The following ARID4A variants were observed in gnomAD, a reference collection of about 807,000 sequenced individuals.
ARID4A encodes AT-rich interactive domain-containing protein 4A.
ARID4A carries 39 observed loss-of-function variants against 148.6 expected under a neutral mutation model. That is an observed-to-expected ratio of 0.26 (90% CI 0.20 to 0.34). ARID4A has a LOEUF of 0.34. Among genes scored for constraint, ARID4A ranks in the 10% least tolerant of loss-of-function variants. ARID4A has a pLI of 1.00. For synonymous variants in ARID4A, 475 were observed against 481.2 expected, an observed-to-expected ratio of 0.99 and a Z score of 0.17; for missense variants, 1,265 against 1,449.1, an observed-to-expected ratio of 0.87 and a Z score of 2.06.
intron 5 of ARID4A, among the ~76,000 whole-genome samples, chr14:58,312,962 G>GCTGTGAT (rs1461473089): frequency 6.6e-6 from 1 of 152,144 alleles, no homozygotes; most frequent in Non-Finnish European, 1.5e-5. Context: ...TGATAACAGG[G>GCTGTGAT]AAATGGGTCT....
Position 58,373,606 on chromosome 14 carries a change from TAAA to T in ARID4A, c.*1620_*1622del, listed in dbSNP as rs1034225691. On this transcript the variant is annotated 3_prime_UTR_variant, in exon 24 of 24. Transcript: ENST00000355431. ...TTCAGATTCCATTTTCTCAGAGAATTAAAAACAAAAAAAGTACTCTTGTAAAAT... is the reference window on the plus strand; with the variant it reads ...TTCAGATTCCATTTTCTCAGAGAATTAACAAAAAAAGTACTCTTGTAAAAT... 5.7e-6 allele frequency: 1 copy of T among 176,338 alleles called. No individual in the cohort carries two copies. Among genetic ancestry groups the T allele is most frequent in the Non-Finnish European group, 1.2e-5 (1 of 81,768 alleles). 10.9% of individuals were successfully genotyped at this position (176,338 alleles called of 1,614,324 possible). A position where few individuals can be genotyped will look rare whatever the true frequency, so the allele number is the denominator to read the frequency against.
intron 17 of ARID4A, 40 bp downstream of exon 17, chr14:58,353,895 G>A (rs1189389348): frequency 3.9e-6 from 6 of 1,542,482 alleles, no homozygotes; most frequent in African/African-American, 2.7e-5. Context: ...AAATTTTTTC[G>A]ATGATTAAAT....
At position 58,328,293 on chromosome 14, in the gene ARID4A, T is replaced by A. The variant is rs1354785677; in HGVS notation, c.639T>A (p.Val213=). 6.2e-7 allele frequency: 1 copy of A among 1,602,524 alleles called. No individual in the cohort carries two copies. The highest frequency in any genetic ancestry group is 1.7e-5 in the Admixed American group (1 of 59,856). ...DITVKKDQCL[V]RSFIDSKFYS... Reference sequence around the variant, plus strand: ...CAGTGAAAAAGGATCAGTGTTTAGTTCGATCATTTATTGATTCTAAATTGT... The same window carrying A: ...CAGTGAAAAAGGATCAGTGTTTAGTACGATCATTTATTGATTCTAAATTGT... The change falls in exon 9 of 24, where the codon GTT becomes GTA. Residue 213 remains valine (V), a synonymous_variant. Transcript: ENST00000355431.
chr14:58,312,651 C>T (rs1445733281), intron 5 of ARID4A, among the ~76,000 whole-genome samples: 1 of 152,292 alleles, frequency 6.6e-6, no homozygotes. Context: ...ATGGATATAA[C>T]AATAATGATA....
chr14:58,356,890 C>T (rs1302831499), intron 17 of ARID4A, among the ~76,000 whole-genome samples: 1 of 151,974 alleles, frequency 6.6e-6, no homozygotes, highest in African/African-American at 2.4e-5. Flanking sequence ...TTAGTAGAGA[C>T]AGGGTTTCAC....
At chr14:58,366,760 T>G in intron 22 of ARID4A, 123 bp from the exon 23 acceptor site, 1 of 692,388 alleles carries the variant, frequency 1.4e-6, no homozygotes, top group South Asian at 2.8e-5. Flanking sequence ...TTCAGCTTAC[T>G]GTAGGAGATT....
chr14:58,299,720 T>G (rs1594853440), intron 1 of ARID4A, 78 bp from the exon 2 acceptor site: 4 of 1,271,558 alleles, frequency 3.1e-6, no homozygotes, highest in South Asian at 1.2e-5. Flanking sequence ...CCCGCTGGCG[T>G]TTGTTTACTT....
intron 5 of ARID4A, among the ~76,000 whole-genome samples, chr14:58,308,088 G>A (rs1260105992): frequency 6.6e-6 from 1 of 152,184 alleles, no homozygotes; most frequent in Admixed American, 6.5e-5. Flanking sequence ...TTATCCCAGA[G>A]TAGTTATTCA....
Position 58,365,624 on chromosome 14 carries a change from T to C in ARID4A, c.3316+2T>C. 1 of 1,611,616 alleles carries C rather than the reference T, an allele frequency of 6.2e-7. No individual in the cohort carries two copies. The highest frequency in any genetic ancestry group is 1.1e-5 in the South Asian group (1 of 90,636). On this transcript the variant is annotated splice_donor_variant, in intron 21 of 23. Transcript: ENST00000355431. LOFTEE classifies it high-confidence loss of function. ...CCAAAAATGAAAAGAATGGAACAGG[T>C]TGGTGTCTTTCAATGCTAGCTTTTG...
Position 58,321,895 on chromosome 14 carries a change from A to T in ARID4A, c.450-1590A>T, listed in dbSNP as rs143363251. Among the ~76,000 whole-genome samples the T allele has an allele frequency of 1.2e-3, 179 of 152,210 alleles. 1 individual carries two copies. The highest frequency in any genetic ancestry group is 2.2e-3 in the Non-Finnish European group (150 of 68,002). On this transcript the variant is annotated intron_variant, in intron 7 of 23. Transcript: ENST00000355431. ...TATAGCTGAGGAAAATGGGAACAGT[A>T]ATGTCTTGCTGGTTTTTGTATTAGA...
chr14:58,343,227 CTT>C, intron 11 of ARID4A, among the ~76,000 whole-genome samples: 1 of 152,232 alleles, frequency 6.6e-6, no homozygotes. Context: ...TGATTATTAA[CTT>C]TGTAAATTGC....
intron 2 of ARID4A, 99 bp downstream of exon 2, chr14:58,299,959 A>G: frequency 2.6e-6 from 4 of 1,532,700 alleles, no homozygotes. Context: ...CTCAAAATTG[A>G]TGTTCCTACT....
At chr14:58,317,745 A>G (rs2032562984) in intron 5 of ARID4A, among the ~76,000 whole-genome samples, 1 of 131,514 alleles carries the variant, frequency 7.6e-6, no homozygotes, top group East Asian at 2.2e-4. Flanking sequence ...CAATCGTTCC[A>G]CCATGGCCTC....
chr14:58,356,594 T>A (rs2034874846), intron 17 of ARID4A, among the ~76,000 whole-genome samples: 1 of 152,168 alleles, frequency 6.6e-6, no homozygotes. Flanking sequence ...CAAATCATAG[T>A]ACAGGCAGTT....
intron 16 of ARID4A, among the ~76,000 whole-genome samples, chr14:58,352,718 G>T (rs529706794): frequency 6.6e-6 from 1 of 152,156 alleles, no homozygotes; most frequent in African/African-American, 2.4e-5. Context: ...CCAAAATAAT[G>T]CCCTATATTT....
intron 5 of ARID4A, among the ~76,000 whole-genome samples, chr14:58,313,579 A>T (rs2032200041): frequency 6.6e-6 from 1 of 152,020 alleles, no homozygotes; most frequent in South Asian, 2.1e-4. Flanking sequence ...GTATTAGAGA[A>T]ATTTGCTCAT....
intron 8 of ARID4A, among the ~76,000 whole-genome samples, chr14:58,327,839 T>G (rs1337555717): frequency 6.6e-6 from 1 of 152,004 alleles, no homozygotes; most frequent in Non-Finnish European, 1.5e-5. Flanking sequence ...ACCAGGCTAA[T>G]TTTTGGTATT....
Position 58,364,308 on chromosome 14 carries a change from C to A in ARID4A, c.2219C>A (p.Ser740Tyr). The change falls in exon 20 of 24, where the codon TCT becomes TAT. Residue 740 changes from serine (S) to tyrosine (Y), a missense_variant. By Grantham distance (144) the Ser-to-Tyr change is moderately radical. Around this residue, in one of 9 missense-constraint regions of ARID4A, gnomAD observed 666 missense variants for 730.9 expected, o/e 0.91. Transcript: ENST00000355431. ...DKLDEENPKI[S>Y]AHILKENDRT... ...CTAGATGAAGAAAATCCAAAGATTT[C>A]TGCACATATATTAAAAGAAAATGAT... is the stretch of plus-strand genomic sequence containing the variant. 1.3e-6 allele frequency: 2 copies of A among 1,567,238 alleles called. No homozygotes were observed. The highest frequency in any genetic ancestry group is 2.5e-5 in the South Asian group (2 of 81,066).
rs187629462 is a variant in ARID4A at position 58,344,912 on chromosome 14, G to T, written c.979+145G>T. 5.0e-4 allele frequency: 330 copies of T among 657,668 alleles called. No homozygotes were observed. The African/African-American group carries it at 5.5e-3, about 11-fold the overall frequency. The allele number at this position is 657,668 out of a possible 1,614,324, so 40.7% of individuals were successfully genotyped here. On this transcript the variant is annotated intron_variant, in intron 12 of 23. Coordinates refer to ENST00000355431, the MANE Select transcript of ARID4A (RefSeq NM_002892.4). ...TTTTGAGGCAGGTTCTTGCTTTGAT[G>T]CCCAGGCTGGAGTGCAGTGATTTGC...
Sources: allele counts gnomAD v4.1 joint callset (sites outside exome capture counted in the v4.1 genomes callset), GRCh38; gene constraint gnomAD v4.1.1; regional missense constraint gnomAD v4.1.1; transcripts MANE v1.5; gene names NCBI Gene and HGNC (gene_info 2026-07-23, HGNC 2026-07-21).